MYRIP: variants seen among roughly 807,000 people sequenced by gnomAD.
MYRIP encodes myosin VIIA and Rab interacting protein.
A neutral mutation model predicts 98.0 loss-of-function variants in MYRIP; 49 were observed. That is an observed-to-expected ratio of 0.50 (90% CI 0.40 to 0.63). MYRIP has a LOEUF of 0.63. Among genes scored for constraint, MYRIP ranks in the 30% least tolerant of loss-of-function variants. The pLI, the probability that MYRIP is intolerant of heterozygous loss-of-function variation, is 0.00. For synonymous variants in MYRIP, 404 were observed against 409.5 expected (o/e 0.99, Z 0.16); for missense variants, 1,004 against 1,058.2 (o/e 0.95, Z 0.71).
At chr3:40,117,147 AT>A (rs1430329289) in intron 3 of MYRIP, among the ~76,000 whole-genome samples, 1 of 152,126 alleles carries the variant, frequency 6.6e-6, no homozygotes, top group Non-Finnish European at 1.5e-5. Context: ...AAAGTTTGTT[AT>A]TTTGACATTT....
At chr3:39,992,775 C>T (rs1946211213) in intron 2 of MYRIP, among the ~76,000 whole-genome samples, 1 of 152,184 alleles carries the variant, frequency 6.6e-6, no homozygotes, top group African/African-American at 2.4e-5. Context: ...CTTTTCTAGT[C>T]TTTGTCATCC....
At chr3:40,198,211 A>G (rs1171005846) in intron 10 of MYRIP, among the ~76,000 whole-genome samples, 1 of 126,376 alleles carries the variant, frequency 7.9e-6, no homozygotes, top group Admixed American at 8.3e-5. Flanking sequence ...AAAACAGGGA[A>G]GCACCGAGGG....
At chr3:39,900,752 G>A in intron 1 of MYRIP, 35 bp from the exon 2 acceptor site, 2 of 1,177,612 alleles carry the variant, frequency 1.7e-6, no homozygotes, top group South Asian at 2.6e-5. Context: ...TCCATGTAGA[G>A]ATTTTATCTT....
chr3:40,212,930 T>C (rs986706171), intron 11 of MYRIP, among the ~76,000 whole-genome samples: 8 of 151,946 alleles, frequency 5.3e-5, no homozygotes, highest in Non-Finnish European at 1.0e-4. Flanking sequence ...CAAAAATAAA[T>C]ATATAAATAA....
intron 1 of MYRIP, among the ~76,000 whole-genome samples, chr3:39,813,491 G>A (rs1355704252): frequency 1.3e-5 from 2 of 152,176 alleles, no homozygotes; most frequent in Admixed American, 1.3e-4. Context: ...TTCACAATAG[G>A]AGGAGGATGG....
At position 39,998,603 on chromosome 3, in the gene MYRIP, C is replaced by T. The variant is rs141707176; in HGVS notation, c.111-45447C>T. On this transcript the variant is annotated intron_variant, in intron 2 of 16. Transcript: ENST00000302541. Reference sequence around the variant, plus strand: ...AATATTGTGAAAATGGCCATACTGCCCAAGGTAATTTACAGATTCAATGCC... The same window carrying T: ...AATATTGTGAAAATGGCCATACTGCTCAAGGTAATTTACAGATTCAATGCC... Among the ~76,000 whole-genome samples, 1,167 of 152,192 alleles carry T rather than the reference C, an allele frequency of 7.7e-3. 11 individuals are homozygous for T. The highest frequency in any genetic ancestry group is 0.027 in the African/African-American group (1,120 of 41,514).
chr3:40,162,873 C>T, intron 5 of MYRIP, 63 bp downstream of exon 5: 1 of 1,426,270 alleles, frequency 7.0e-7, no homozygotes, highest in Non-Finnish European at 9.9e-7. Context: ...CCTACAGGTA[C>T]AGGTACTGCC....
chr3:39,937,475 T>C (rs1944680109), intron 2 of MYRIP, among the ~76,000 whole-genome samples: 1 of 152,226 alleles, frequency 6.6e-6, no homozygotes, highest in Non-Finnish European at 1.5e-5. Flanking sequence ...TGCTGTTTAC[T>C]CTGACCAGTT....
chr3:39,996,275 A>G (rs1946351722), intron 2 of MYRIP, among the ~76,000 whole-genome samples: 2 of 152,226 alleles, frequency 1.3e-5, no homozygotes. Context: ...TGTGTGCTGT[A>G]TTCAGGAAAC....
rs958854657 is a variant in MYRIP, at chr3:40,044,079, G to C, written c.140G>C (p.Gly47Ala). ...SELKQKLDEEGSKCSILSKHQ... is the reference protein window; with the variant it reads ...SELKQKLDEEASKCSILSKHQ... ...CTGAAGCAGAAGCTGGATGAGGAAG[G>C]CAGCAAGTGCAGCATCCTCTCGAAG... The change falls in exon 3 of 17, where the codon GGC becomes GCC. Residue 47 changes from glycine (G) to alanine (A), a missense_variant. Gly to Ala is a moderately conservative substitution (Grantham distance 60, BLOSUM62 0). Transcript: ENST00000302541. 1 of 1,614,000 alleles carries C rather than the reference G, an allele frequency of 6.2e-7. No individual in the cohort carries two copies. The highest frequency in any genetic ancestry group is 8.5e-7 in the Non-Finnish European group (1 of 1,179,938).
At chr3:39,898,862 A>G (rs1405922259) in intron 1 of MYRIP, among the ~76,000 whole-genome samples, 1 of 152,120 alleles carries the variant, frequency 6.6e-6, no homozygotes, top group Non-Finnish European at 1.5e-5. Flanking sequence ...TATTCCTTGA[A>G]CAATGCTTTA....
intron 1 of MYRIP, among the ~76,000 whole-genome samples, chr3:39,854,211 G>A (rs1483602081): frequency 6.6e-6 from 1 of 152,068 alleles, no homozygotes; most frequent in Non-Finnish European, 1.5e-5. Context: ...GGCCAGAAAA[G>A]TTTTCTTCAG....
chr3:39,975,537 G>T (rs1945726011), intron 2 of MYRIP, among the ~76,000 whole-genome samples: 1 of 151,838 alleles, frequency 6.6e-6, no homozygotes, highest in South Asian at 2.1e-4. Context: ...CACAGAATTG[G>T]AAGAAAACTA....
At chr3:39,911,047 T>C (rs1056413934) in intron 2 of MYRIP, among the ~76,000 whole-genome samples, 8 of 152,224 alleles carry the variant, frequency 5.3e-5, no homozygotes, top group Non-Finnish European at 1.0e-4. Context: ...ACTGTGTCCA[T>C]GCCATATTCA....
At chr3:40,005,763 A>G (rs564001822) in intron 2 of MYRIP, among the ~76,000 whole-genome samples, 1 of 152,346 alleles carries the variant, frequency 6.6e-6, no homozygotes, top group South Asian at 2.1e-4. Context: ...AACACCATAT[A>G]TATAATATCA....
rs908715398 is a variant in MYRIP at position 39,999,301 on chromosome 3, G to A, written c.111-44749G>A. 2.0e-5 allele frequency among the ~76,000 whole-genome samples: 3 copies of A among 152,298 alleles called. No homozygotes were observed. In the South Asian group the frequency reaches 6.2e-4, roughly 32 times the overall value. On this transcript the variant is annotated intron_variant, in intron 2 of 16. Coordinates refer to ENST00000302541, the MANE Select transcript of MYRIP (RefSeq NM_015460.4). ...TCATCTGACAAAGGGCTAATATCCA[G>A]AATCTACAATGAACTCAAACAAATT...
intron 2 of MYRIP, among the ~76,000 whole-genome samples, chr3:39,998,293 A>G (rs983387207): frequency 3.3e-5 from 5 of 152,202 alleles, no homozygotes; most frequent in Non-Finnish European, 7.3e-5. Flanking sequence ...CCATCATCTC[A>G]GCCCAAAATC....
At chr3:40,228,359 G>A (rs766773229) in intron 11 of MYRIP, among the ~76,000 whole-genome samples, 57 of 152,174 alleles carry the variant, frequency 3.7e-4, no homozygotes, top group African/African-American at 1.3e-3. Flanking sequence ...ATTAAAACAT[G>A]TTCCTGGTGC....
intron 2 of MYRIP, among the ~76,000 whole-genome samples, chr3:39,958,500 C>G (rs1945230422): frequency 6.6e-6 from 1 of 152,116 alleles, no homozygotes; most frequent in Non-Finnish European, 1.5e-5. Flanking sequence ...AACTGGATCC[C>G]TTCTTTATAC....
Sources: allele counts gnomAD v4.1 joint callset (sites outside exome capture counted in the v4.1 genomes callset), GRCh38; gene constraint gnomAD v4.1.1; transcripts MANE v1.5; gene names NCBI Gene and HGNC (gene_info 2026-07-23, HGNC 2026-07-21).